Variants in ANKRD6 observed in about 807,000 individuals in gnomAD.
ANKRD6 encodes the protein ankyrin repeat domain-containing protein 6.
Under a neutral mutation model 82.3 loss-of-function variants are expected in ANKRD6, and 56 were observed. That is an observed-to-expected ratio of 0.68 (90% CI 0.55 to 0.85). The LOEUF (loss-of-function observed/expected upper bound fraction) is 0.85. Among genes scored for constraint, ANKRD6 ranks in the 40% least tolerant of loss-of-function variants. ANKRD6 has a pLI of 0.00. For missense variants in ANKRD6, 852 were observed against 907.6 expected, an observed-to-expected ratio of 0.94 and a Z score of 0.79; for synonymous variants, 347 against 352.1, an observed-to-expected ratio of 0.99 and a Z score of 0.16.
At chr6:89,438,430 GC>G in intron 1 of ANKRD6, among the ~76,000 whole-genome samples, 1 of 152,282 alleles carries the variant, frequency 6.6e-6, no homozygotes, top group South Asian at 2.1e-4. Flanking sequence ...CATCACTTCT[GC>G]TTACATTCTA....
intron 1 of ANKRD6, among the ~76,000 whole-genome samples, chr6:89,476,952 T>C (rs1776107717): frequency 6.6e-6 from 1 of 152,272 alleles, no homozygotes; most frequent in East Asian, 1.9e-4. Context: ...TTTTGTTTTG[T>C]TTTGTTTTTT....
At chr6:89,519,321 G>A (rs906847990) in intron 1 of ANKRD6, among the ~76,000 whole-genome samples, 3 of 152,208 alleles carry the variant, frequency 2.0e-5, no homozygotes, top group Non-Finnish European at 4.4e-5. Flanking sequence ...GGAATCTACT[G>A]CAGAAGCCCA....
Position 89,598,267 on chromosome 6 carries a change from G to A in ANKRD6, c.219+2253G>A, listed in dbSNP as rs951659665. On this transcript the variant is annotated intron_variant, in intron 3 of 15. Coordinates refer to ENST00000339746, the MANE Select transcript of ANKRD6 (RefSeq NM_001242809.2). ...CAATCGTGTCAACTCTCATTGGAGC[G>A]CTAATGCCATCTCTGATTGGTCAAT... 7.1e-6 allele frequency: 7 copies of A among 985,216 alleles called. No homozygotes were observed. The African/African-American group carries it at 8.7e-5, about 12-fold the overall frequency. The allele number at this position is 985,216 out of a possible 1,614,324, so 61.0% of individuals were successfully genotyped here. A position where few individuals can be genotyped will look rare whatever the true frequency, so the allele number is the denominator to read the frequency against.
chr6:89,436,984 T>C (rs1396862300), intron 1 of ANKRD6, among the ~76,000 whole-genome samples: 1 of 152,158 alleles, frequency 6.6e-6, no homozygotes, highest in African/African-American at 2.4e-5. Context: ...AGCTATTAAA[T>C]TTGTCACTAA....
chr6:89,476,317 C>G (rs1444362972), intron 1 of ANKRD6, among the ~76,000 whole-genome samples: 1 of 152,068 alleles, frequency 6.6e-6, no homozygotes, highest in Non-Finnish European at 1.5e-5. Flanking sequence ...TCCCGAGTAG[C>G]TGGGATTATA....
intron 1 of ANKRD6, among the ~76,000 whole-genome samples, chr6:89,438,709 C>T (rs1227234430): frequency 2.0e-5 from 3 of 152,086 alleles, no homozygotes; most frequent in Non-Finnish European, 2.9e-5. Context: ...ATGGTGCGAT[C>T]TTGGCTCACC....
At chr6:89,608,384 A>G (rs771998374) in intron 5 of ANKRD6, among the ~76,000 whole-genome samples, 3 of 105,580 alleles carry the variant, frequency 2.8e-5, no homozygotes, top group Non-Finnish European at 5.9e-5. Context: ...ATATATATAT[A>G]TGTACAATTT....
At chr6:89,588,994 CAAAAAAAAA>C (rs34892881) in intron 2 of ANKRD6, among the ~76,000 whole-genome samples, 1 of 48,300 alleles carries the variant, frequency 2.1e-5, no homozygotes, top group Non-Finnish European at 3.8e-5. Context: ...GACTCTGTCT[CAAAAAAAAA>C]AAAAAAAAAA....
At chr6:89,520,530 A>G (rs1781765532) in intron 1 of ANKRD6, among the ~76,000 whole-genome samples, 1 of 152,228 alleles carries the variant, frequency 6.6e-6, no homozygotes, top group Non-Finnish European at 1.5e-5. Flanking sequence ...AGTAGTTCAC[A>G]TCACTGTTTC....
intron 1 of ANKRD6, among the ~76,000 whole-genome samples, chr6:89,553,411 GT>G (rs1223741173): frequency 1.3e-5 from 2 of 152,196 alleles, no homozygotes. Context: ...GTGGGATAGC[GT>G]AGAAGAAATA....
rs1017726071 is a variant in ANKRD6 at position 89,603,189 on chromosome 6, T to C, written c.318+62T>C. ...AGGGAAGCCAGTGGCTCAGGGGAGC[T>C]GGAGGAGCCCGCTCTGGAAACTTTT... On this transcript the variant is annotated intron_variant, in intron 4 of 15. Transcript: ENST00000339746. 4 of 1,473,156 alleles carry C rather than the reference T, an allele frequency of 2.7e-6. No homozygotes were observed. In the African/African-American group the frequency reaches 5.6e-5, roughly 21 times the overall value. The allele number at this position is 1,473,156 out of a possible 1,614,324, so 91.3% of individuals were successfully genotyped here.
chr6:89,439,673 AT>A (rs1476808463), intron 1 of ANKRD6, among the ~76,000 whole-genome samples: 4 of 152,244 alleles, frequency 2.6e-5, no homozygotes, highest in African/African-American at 4.8e-5. Context: ...AATAATTAAA[AT>A]TTACCATCTT....
intron 1 of ANKRD6, among the ~76,000 whole-genome samples, chr6:89,477,251 G>A (rs1030760140): frequency 6.6e-6 from 1 of 151,756 alleles, no homozygotes; most frequent in Non-Finnish European, 1.5e-5. Context: ...GCCGGTGAAA[G>A]GTTTTTTTTC....
chr6:89,588,547 C>T (rs1382452942), intron 2 of ANKRD6, among the ~76,000 whole-genome samples: 1 of 152,190 alleles, frequency 6.6e-6, no homozygotes, highest in Non-Finnish European at 1.5e-5. Context: ...CATGCAGCTG[C>T]CCTCCTTGTT....
intron 7 of ANKRD6, 102 bp downstream of exon 7, chr6:89,613,992 CATG>C: frequency 3.4e-6 from 4 of 1,177,928 alleles, no homozygotes; most frequent in Non-Finnish European, 4.8e-6. Context: ...GGGAAGCTGC[CATG>C]TCACCTACCT....
chr6:89,508,284 G>A (rs974995871), intron 1 of ANKRD6, among the ~76,000 whole-genome samples: 2 of 152,164 alleles, frequency 1.3e-5, no homozygotes, highest in South Asian at 2.1e-4. Flanking sequence ...CTTTGATTGA[G>A]CCTGGACAAT....
At chr6:89,510,877 C>A (rs374216404) in intron 1 of ANKRD6, among the ~76,000 whole-genome samples, 1 of 152,172 alleles carries the variant, frequency 6.6e-6, no homozygotes, top group Non-Finnish European at 1.5e-5. Flanking sequence ...CAGTGTATAT[C>A]TGTTGGGTAA....
At chr6:89,568,870 A>C (rs989519805) in intron 2 of ANKRD6, among the ~76,000 whole-genome samples, 2 of 152,006 alleles carry the variant, frequency 1.3e-5, no homozygotes, top group African/African-American at 4.8e-5. Context: ...GAAGACTAAT[A>C]TAAGCACATT....
rs1770196120 is a variant in ANKRD6 at position 89,433,406 on chromosome 6, C to T, written c.-144+31C>T. The T allele has an allele frequency of 6.6e-6, 1 of 152,214 alleles. No individual in the cohort carries two copies. The highest frequency in any genetic ancestry group is 2.4e-5 in the African/African-American group (1 of 41,462). The allele number at this position is 152,214 out of a possible 1,614,324, so 9.4% of individuals were successfully genotyped here. A position where few individuals can be genotyped will look rare whatever the true frequency, so the allele number is the denominator to read the frequency against. ...AGGCGACCTCGCCGGCTCCCTGGGACCCCCGCTTACACCGGGGTGGGCGCC... is the reference window on the plus strand; with the variant it reads ...AGGCGACCTCGCCGGCTCCCTGGGATCCCCGCTTACACCGGGGTGGGCGCC... On this transcript the variant is annotated intron_variant, in intron 1 of 15. Coordinates refer to ENST00000339746, the MANE Select transcript of ANKRD6 (RefSeq NM_001242809.2). This position sits in a 1 kb window ranked among gnomAD's most constrained non-coding sequence, Gnocchi z 4.3.
Sources: allele counts gnomAD v4.1 joint callset (sites outside exome capture counted in the v4.1 genomes callset), GRCh38; gene constraint gnomAD v4.1.1; non-coding constraint Gnocchi (gnomAD v3.1); transcripts MANE v1.5; gene names NCBI Gene and HGNC (gene_info 2026-07-23, HGNC 2026-07-21).